CSN1S1: variants seen among roughly 807,000 people sequenced by gnomAD.
CSN1S1 encodes the protein alpha-S1-casein.
Under a neutral mutation model 49.1 loss-of-function variants are expected in CSN1S1, and 63 were observed. The ratio of observed to expected loss-of-function variants is 1.28; its 90% confidence interval spans 1.05 to 1.58. The LOEUF is 1.58. Among genes scored for constraint, CSN1S1 ranks in the 40% most tolerant of loss-of-function variants. The probability of loss-of-function intolerance (pLI) is 0.00; values close to 1 mark genes in which losing one functional copy is unlikely to be tolerated. For synonymous variants in CSN1S1, 78 were observed against 67.1 expected (o/e 1.16, Z -0.79); for missense variants, 260 against 224.7 (o/e 1.16, Z -1.01).
intron 3 of CSN1S1, among the ~76,000 whole-genome samples, 186 bp downstream of exon 3, chr4:69,934,430 A>G (rs1336868187): frequency 1.3e-5 from 2 of 152,152 alleles, no homozygotes; most frequent in African/African-American, 4.8e-5. Context: ...GACTTAGATA[A>G]ACATTTATGT....
chr4:69,937,147 G>A lies in CSN1S1; in HGVS notation c.219+3G>A. The A allele has an allele frequency of 2.6e-6, 4 of 1,532,622 alleles. No homozygotes were observed. The highest frequency in any genetic ancestry group is 3.5e-6 in the Non-Finnish European group (4 of 1,137,676). 94.9% of individuals were successfully genotyped at this position (1,532,622 alleles called of 1,614,324 possible). ...ATACTAGGAATGAGTCTACTCAGGT[G>A]AGACCCTTTGTTTTAAAATTATTAA... On this transcript the variant is annotated splice_donor_region_variant and intron_variant, in intron 8 of 15. Coordinates refer to ENST00000246891, the MANE Select transcript of CSN1S1 (RefSeq NM_001890.2).
intron 15 of CSN1S1, 24 bp downstream of exon 15, chr4:69,945,028 T>A: frequency 6.2e-7 from 1 of 1,607,988 alleles, no homozygotes; most frequent in East Asian, 2.2e-5. Context: ...AATTACTACA[T>A]CTTGATGTTC....
intron 11 of CSN1S1, among the ~76,000 whole-genome samples, chr4:69,940,318 T>C (rs1722934355): frequency 6.6e-6 from 1 of 151,806 alleles, no homozygotes; most frequent in African/African-American, 2.4e-5. Flanking sequence ...CTAGATGTTT[T>C]CTTATTCCCC....
At chr4:69,936,335 G>A in intron 5 of CSN1S1, 121 bp from the exon 6 acceptor site, 3 of 823,752 alleles carry the variant, frequency 3.6e-6, no homozygotes, top group Admixed American at 5.5e-5. Context: ...GTTCATTCAG[G>A]AAAAATGGAT....
At position 69,937,110 on chromosome 4, in the gene CSN1S1, T is replaced by C; in HGVS notation, c.196-11T>C. The C allele has an allele frequency of 6.5e-7, 1 of 1,540,242 alleles. No homozygotes were observed. The highest frequency in any genetic ancestry group is 8.8e-7 in the Non-Finnish European group (1 of 1,141,770). ...AATCTGTCATACCTAACTGATTGACTGTCTTGGCAGGATACTAGGAATGAG... is the reference window on the plus strand; with the variant it reads ...AATCTGTCATACCTAACTGATTGACCGTCTTGGCAGGATACTAGGAATGAG... On this transcript the variant is annotated splice_polypyrimidine_tract_variant and intron_variant, in intron 7 of 15. Transcript: ENST00000246891.
chr4:69,936,610 A>G lies in CSN1S1; in HGVS notation c.195+3A>G, dbSNP rs774985775. ...AAAAACAGACTGATGAAATCAAGGT[A>G]CCAAAGTTTTTCTTGAAAGAGTATG... On this transcript the variant is annotated splice_donor_region_variant and intron_variant, in intron 7 of 15. Coordinates refer to ENST00000246891, the MANE Select transcript of CSN1S1 (RefSeq NM_001890.2). The G allele has an allele frequency of 6.2e-7, 1 of 1,602,172 alleles. No individual in the cohort carries two copies. The highest frequency in any genetic ancestry group is 8.5e-7 in the Non-Finnish European group (1 of 1,173,808).
At chr4:69,937,916 T>A in intron 9 of CSN1S1, 93 bp downstream of exon 9, 1 of 767,042 alleles carries the variant, frequency 1.3e-6, no homozygotes, top group Non-Finnish European at 2.0e-6. Context: ...CTTCTGAAAT[T>A]AAGCAAAATA....
At chr4:69,939,897 G>A in intron 10 of CSN1S1, 124 bp from the exon 11 acceptor site, 1 of 590,668 alleles carries the variant, frequency 1.7e-6, no homozygotes, top group South Asian at 2.2e-5. Context: ...AGTTTTTTGG[G>A]AATTTATCAC....
chr4:69,946,271 T>C lies in CSN1S1; in HGVS notation c.*75T>C. 2.3e-6 allele frequency: 1 copy of C among 432,808 alleles called. No individual in the cohort carries two copies. The highest frequency in any genetic ancestry group is 3.5e-5 in the East Asian group (1 of 28,528). 26.8% of individuals were successfully genotyped at this position (432,808 alleles called of 1,614,324 possible). ...CTTATCTGAAGACTGGACTGTTGTT[T>C]TAGAATAGTAAAATCCCATATTGAA... On this transcript the variant is annotated 3_prime_UTR_variant, in exon 16 of 16. Coordinates refer to ENST00000246891, the MANE Select transcript of CSN1S1 (RefSeq NM_001890.2).
intron 14 of CSN1S1, among the ~76,000 whole-genome samples, chr4:69,943,584 T>A (rs1723053469): frequency 1.3e-5 from 2 of 152,078 alleles, no homozygotes; most frequent in Admixed American, 6.6e-5. Context: ...TTCAGTTGGA[T>A]GTAAATTACT....
chr4:69,934,609 C>T lies in CSN1S1; in HGVS notation c.85-81C>T, dbSNP rs189177571. On this transcript the variant is annotated intron_variant, in intron 3 of 15. Transcript: ENST00000246891. Reference sequence around the variant, plus strand: ...AATCTTGAATTAGTTACCTCTACCACAACTTTCTATGAGCACAACTAATCC... The same window carrying T: ...AATCTTGAATTAGTTACCTCTACCATAACTTTCTATGAGCACAACTAATCC... The T allele has an allele frequency of 5.3e-5, 70 of 1,332,164 alleles. No individual in the cohort carries two copies. In the African/African-American group the frequency reaches 9.6e-4, roughly 18 times the overall value. 82.5% of individuals were successfully genotyped at this position (1,332,164 alleles called of 1,614,324 possible). A position where few individuals can be genotyped will look rare whatever the true frequency, so the allele number is the denominator to read the frequency against.
In CSN1S1 at chr4:69,945,024, T is replaced by C; in HGVS notation, c.557+20T>C. ...GTGGTGGTAAGTTCATTTAAATTAC[T>C]ACATCTTGATGTTCTACCAAAGGAA... On this transcript the variant is annotated intron_variant, in intron 15 of 15. Transcript: ENST00000246891. 6.2e-7 allele frequency: 1 copy of C among 1,608,874 alleles called. No individual in the cohort carries two copies.
intron 1 of CSN1S1, 64 bp from the exon 2 acceptor site, chr4:69,932,480 T>G (rs1687043854): frequency 4.9e-6 from 7 of 1,441,480 alleles, no homozygotes; most frequent in African/African-American, 1.4e-5. Flanking sequence ...AATCAAGAAT[T>G]TTTTTCAGGA....
rs376302853 is a variant in CSN1S1 at position 69,944,814 on chromosome 4, C to T, written c.403-36C>T. The T allele has an allele frequency of 2.4e-5, 39 of 1,606,670 alleles. No individual in the cohort carries two copies. The African/African-American group carries it at 3.9e-4, about 16-fold the overall frequency. On this transcript the variant is annotated intron_variant, in intron 14 of 15. Transcript: ENST00000246891. ...TCAGGGACTGAAAAAAGCAATTGCT[C>T]ATACACTGTTGCTTTTCAAATGTTT...
intron 14 of CSN1S1, 109 bp from the exon 15 acceptor site, chr4:69,944,741 A>G (rs1723097236): frequency 3.6e-6 from 4 of 1,122,820 alleles, no homozygotes; most frequent in Non-Finnish European, 3.8e-6. Context: ...ATCATTTTTT[A>G]TCATGCTAAC....
chr4:69,941,653 A>G (rs1386136562), intron 12 of CSN1S1, among the ~76,000 whole-genome samples: 2 of 151,918 alleles, frequency 1.3e-5, no homozygotes, highest in South Asian at 2.1e-4. Context: ...GCATGCTAGC[A>G]TTTTTAATCG....
chr4:69,939,334 A>G, intron 10 of CSN1S1, 126 bp downstream of exon 10: 1 of 510,920 alleles, frequency 2.0e-6, no homozygotes, highest in Non-Finnish European at 3.4e-6. Flanking sequence ...GCACTATTCT[A>G]GTTTTAGTAT....
Position 69,937,205 on chromosome 4 carries a change from C to T in CSN1S1, c.219+61C>T, listed in dbSNP as rs1334767758. 4 of 1,131,668 alleles carry T rather than the reference C, an allele frequency of 3.5e-6. No individual in the cohort carries two copies. The East Asian group carries it at 1.1e-4, about 30-fold the overall frequency. 70.1% of individuals were successfully genotyped at this position (1,131,668 alleles called of 1,614,324 possible). ...TGAGGAAAAGAAACAATACATATTTCCCCAAATAAATTATTATTTTAAATA... is the reference window on the plus strand; with the variant it reads ...TGAGGAAAAGAAACAATACATATTTTCCCAAATAAATTATTATTTTAAATA... On this transcript the variant is annotated intron_variant, in intron 8 of 15. Coordinates refer to ENST00000246891, the MANE Select transcript of CSN1S1 (RefSeq NM_001890.2).
chr4:69,932,283 G>A (rs1254357988), intron 1 of CSN1S1, among the ~76,000 whole-genome samples: 1 of 151,728 alleles, frequency 6.6e-6, no homozygotes, highest in Non-Finnish European at 1.5e-5. Flanking sequence ...ATGTTTTAAA[G>A]TGTTAGTGAA....
Sources: allele counts gnomAD v4.1 joint callset (sites outside exome capture counted in the v4.1 genomes callset), GRCh38; gene constraint gnomAD v4.1.1; transcripts MANE v1.5; gene names NCBI Gene and HGNC (gene_info 2026-07-23, HGNC 2026-07-21).